Variants in NSUN6 observed in about 807,000 individuals in gnomAD.
NSUN6 encodes the protein NOP2/Sun RNA methyltransferase 6.
A neutral mutation model predicts 58.0 loss-of-function variants in NSUN6; 64 were observed. The observed-to-expected ratio is 1.10, with a 90% CI of 0.90 to 1.36. The LOEUF is 1.36. NSUN6 is among the 40% of genes most tolerant of loss of function. The pLI is 0.00. For synonymous variants in NSUN6, 231 were observed against 193.9 expected (o/e 1.19, Z -1.59); for missense variants, 701 against 550.1 (o/e 1.27, Z -2.74).
chr10:18,560,720 A>G (rs1190736552), intron 8 of NSUN6, among the ~76,000 whole-genome samples: 1 of 151,278 alleles, frequency 6.6e-6, no homozygotes, highest in African/African-American at 2.4e-5. Flanking sequence ...TGAGGAATGG[A>G]ATGGAATGGA....
At chr10:18,564,239 C>T (rs2055757775) in intron 8 of NSUN6, among the ~76,000 whole-genome samples, 1 of 151,326 alleles carries the variant, frequency 6.6e-6, no homozygotes, top group East Asian at 1.9e-4. Flanking sequence ...CTATTACATT[C>T]CATTCTCCAT....
chr10:18,655,385 T>C (rs1022168810), upstream of NSUN6, among the ~76,000 whole-genome samples: 23 of 152,212 alleles, frequency 1.5e-4, no homozygotes, highest in Middle Eastern at 3.2e-3. Context: ...TAATAGCTCC[T>C]GCTTCACAAT....
chr10:18,612,400 G>T (rs1474806151), intron 5 of NSUN6, among the ~76,000 whole-genome samples: 1 of 152,164 alleles, frequency 6.6e-6, no homozygotes, highest in Non-Finnish European at 1.5e-5. Context: ...CTTAATGACA[G>T]AGCGAGACCC....
upstream of NSUN6, chr10:18,651,696 C>T: frequency 3.0e-6 from 3 of 985,846 alleles, no homozygotes; most frequent in Non-Finnish European, 3.6e-6. Flanking sequence ...AATCCACAGC[C>T]GCAAGTTTCC....
chr10:18,562,368 A>G (rs891268561), intron 8 of NSUN6, among the ~76,000 whole-genome samples: 4 of 147,838 alleles, frequency 2.7e-5, no homozygotes, highest in Non-Finnish European at 6.0e-5. Flanking sequence ...GAATAGCATG[A>G]AGAAGAATGG....
At chr10:18,623,651 G>A (rs916725934) in intron 3 of NSUN6, among the ~76,000 whole-genome samples, 9 of 152,172 alleles carry the variant, frequency 5.9e-5, no homozygotes, top group African/African-American at 2.2e-4. Flanking sequence ...GGCATAACCA[G>A]ACAATGTGTT....
chr10:18,616,374 T>C lies in NSUN6; in HGVS notation c.312-81A>G, dbSNP rs543997331. The C allele has an allele frequency of 1.0e-4, 80 of 795,930 alleles. No individual in the cohort carries two copies. The South Asian group carries it at 1.2e-3, about 11-fold the overall frequency. 49.3% of individuals were successfully genotyped at this position (795,930 alleles called of 1,614,324 possible). A position where few individuals can be genotyped will look rare whatever the true frequency, so the allele number is the denominator to read the frequency against. ...TTTTTCCCGTGTTCTATCTGAACTC[T>C]AATGCCTCTTTAGTCTTAACTGTCC... is the stretch of plus-strand genomic sequence containing the variant. On this transcript the variant is annotated intron_variant, in intron 3 of 10. Coordinates refer to ENST00000377304, the MANE Select transcript of NSUN6 (RefSeq NM_182543.5).
chr10:18,590,301 A>T (rs1227577499), intron 7 of NSUN6, among the ~76,000 whole-genome samples: 1 of 152,196 alleles, frequency 6.6e-6, no homozygotes, highest in Non-Finnish European at 1.5e-5. Flanking sequence ...ACTCCCACAC[A>T]ATAATAGTGG....
chr10:18,546,803 C>CA, intron 10 of NSUN6, among the ~76,000 whole-genome samples: 1 of 151,812 alleles, frequency 6.6e-6, no homozygotes, highest in Admixed American at 6.6e-5. Flanking sequence ...GCCCGGGAGA[C>CA]AGAGGTTGCA....
intron 2 of NSUN6, among the ~76,000 whole-genome samples, chr10:18,647,043 TTTAA>T (rs2059566449): frequency 6.6e-6 from 1 of 152,160 alleles, no homozygotes; most frequent in South Asian, 2.1e-4. Context: ...AAAAATCTTA[TTTAA>T]TTATTATACT....
intron 3 of NSUN6, among the ~76,000 whole-genome samples, chr10:18,622,267 T>A (rs746146983): frequency 1.3e-5 from 2 of 152,094 alleles, no homozygotes; most frequent in Non-Finnish European, 2.9e-5. Flanking sequence ...CTTTCTGCAA[T>A]GTGAGAATAC....
chr10:18,576,657 T>C (rs749231261), intron 8 of NSUN6, among the ~76,000 whole-genome samples: 4 of 152,164 alleles, frequency 2.6e-5, no homozygotes, highest in Non-Finnish European at 5.9e-5. Flanking sequence ...TAAGTTCACT[T>C]TGTGTCTCTC....
chr10:18,622,474 G>C (rs1168359874), intron 3 of NSUN6, among the ~76,000 whole-genome samples: 1 of 152,190 alleles, frequency 6.6e-6, no homozygotes, highest in Non-Finnish European at 1.5e-5. Context: ...AGCACTTTAG[G>C]AGTACGAGGT....
intron 3 of NSUN6, among the ~76,000 whole-genome samples, chr10:18,621,641 G>T (rs1333871924): frequency 6.6e-6 from 1 of 152,066 alleles, no homozygotes; most frequent in African/African-American, 2.4e-5. Flanking sequence ...ATTAAAGAAA[G>T]ATTACGTTCC....
At chr10:18,658,207 G>A (rs748610175), upstream of NSUN6, 1 of 152,202 alleles carries the variant, frequency 6.6e-6, no homozygotes, top group Non-Finnish European at 1.5e-5. Flanking sequence ...TACATAGGAG[G>A]TTGAAACTTG....
At chr10:18,650,844 G>A (rs2059683324) in intron 1 of NSUN6, among the ~76,000 whole-genome samples, 1 of 152,208 alleles carries the variant, frequency 6.6e-6, no homozygotes, top group Non-Finnish European at 1.5e-5. Context: ...TGAAGACAGG[G>A]ACCTTTTCTT....
intron 1 of NSUN6, among the ~76,000 whole-genome samples, chr10:18,649,122 T>C (rs757326182): frequency 2.3e-4 from 35 of 152,172 alleles, no homozygotes; most frequent in Non-Finnish European, 4.0e-4. Context: ...AATATTGATA[T>C]AGTCACTGTC....
At chr10:18,646,093 G>C (rs1168794595) in intron 2 of NSUN6, among the ~76,000 whole-genome samples, 1 of 152,102 alleles carries the variant, frequency 6.6e-6, no homozygotes, top group Admixed American at 6.5e-5. Flanking sequence ...TACTCGGGAG[G>C]CTAAGCCAGG....
rs541667863 is a variant in NSUN6, at chr10:18,573,015, A to C, written c.922+12934T>G. Among the ~76,000 whole-genome samples the C allele has an allele frequency of 1.6e-3, 228 of 138,462 alleles. 2 individuals are homozygous for C. The highest frequency in any genetic ancestry group is 6.1e-3 in the African/African-American group (222 of 36,630). The allele number at this position is 138,462 out of a possible 152,430, so 90.8% of individuals were successfully genotyped here. The stretch of plus-strand genomic sequence containing the variant: ...TCTATTCCATTCCATTCCATTCTCC[A>C]CTGTATTCCATTCTTCATTCCATTC... On this transcript the variant is annotated intron_variant, in intron 8 of 10. Transcript: ENST00000377304.
Sources: allele counts gnomAD v4.1 joint callset (sites outside exome capture counted in the v4.1 genomes callset), GRCh38; gene constraint gnomAD v4.1.1; transcripts MANE v1.5; gene names NCBI Gene and HGNC (gene_info 2026-07-23, HGNC 2026-07-21).